The following IRAG1 variants were observed in gnomAD, a reference collection of about 807,000 sequenced individuals.
IRAG1 encodes IP3R-associated cGMP kinase substrate.
Under a neutral mutation model 106.2 loss-of-function variants are expected in IRAG1, and 62 were observed. The ratio of observed to expected loss-of-function variants is 0.58; its 90% CI spans 0.48 to 0.72. The LOEUF (loss-of-function observed/expected upper bound fraction) is 0.72, where lower values mean the gene tolerates loss of function less well. IRAG1 is among the 30% of genes least tolerant of loss of function. The pLI is 0.00. For missense variants in IRAG1, 1,064 were observed against 1,140.7 expected (o/e 0.93, Z 0.97); for synonymous variants, 462 against 443.9 (o/e 1.04, Z -0.51).
intron 1 of IRAG1, among the ~76,000 whole-genome samples, chr11:10,693,221 G>T (rs1367374499): frequency 6.6e-6 from 1 of 152,130 alleles, no homozygotes; most frequent in East Asian, 1.9e-4. Flanking sequence ...CCACAAAGGG[G>T]CCCACAGGAA....
intron 10 of IRAG1, among the ~76,000 whole-genome samples, chr11:10,619,756 G>A (rs371605706): frequency 7.2e-5 from 11 of 152,332 alleles, no homozygotes; most frequent in African/African-American, 1.4e-4. Flanking sequence ...AAACTGAAGC[G>A]TGGAGAGAAT....
intron 2 of IRAG1, among the ~76,000 whole-genome samples, chr11:10,638,058 T>TGTCAGC: frequency 1.3e-5 from 2 of 152,346 alleles, no homozygotes; most frequent in Admixed American, 1.3e-4. Context: ...ATCAGGGATT[T>TGTCAGC]GTCAGTGTTT....
intron 1 of IRAG1, among the ~76,000 whole-genome samples, chr11:10,684,602 T>TATA (rs72177457): frequency 0.036 from 5,040 of 138,744 alleles, 111 homozygotes; most frequent in African/African-American, 0.043. Flanking sequence ...AAACTTAAAG[T>TATA]ATAATAATAA....
At position 10,617,325 on chromosome 11, in the gene IRAG1, C is replaced by A. The variant is rs114026413; in HGVS notation, c.1447+6453G>T. On this transcript the variant is annotated intron_variant, in intron 10 of 20. Coordinates refer to ENST00000423302, the MANE Select transcript of IRAG1 (RefSeq NM_130385.4). Reference sequence around the variant, plus strand: ...AAATAAAAAATAGCTTAAACACCTCCTTCCCCACAAATACAGAAGGAGCAA... The same window carrying A: ...AAATAAAAAATAGCTTAAACACCTCATTCCCCACAAATACAGAAGGAGCAA... 9.9e-3 allele frequency: 2,962 copies of A among 300,100 alleles called. 96 individuals are homozygous for A. Among genetic ancestry groups the A allele is most frequent in the African/African-American group, 0.064 (2,821 of 44,198 alleles). The allele number at this position is 300,100 out of a possible 1,614,324, so 18.6% of individuals were successfully genotyped here. A position where few individuals can be genotyped will look rare whatever the true frequency, so the allele number is the denominator to read the frequency against.
At chr11:10,626,652 G>A (rs181946059) in intron 8 of IRAG1, 69 bp from the exon 9 acceptor site, 1 of 1,490,124 alleles carries the variant, frequency 6.7e-7, no homozygotes. Flanking sequence ...GGCCACTTCT[G>A]CTGTGGAGTC....
rs1850774643 is a variant in IRAG1 at position 10,575,609 on chromosome 11, C to G, written c.*723G>C. 6.6e-6 allele frequency: 1 copy of G among 152,224 alleles called. No homozygotes were observed. The highest frequency in any genetic ancestry group is 1.5e-5 in the Non-Finnish European group (1 of 68,108). The allele number at this position is 152,224 out of a possible 1,614,324, so 9.4% of individuals were successfully genotyped here. A position where few individuals can be genotyped will look rare whatever the true frequency, so the allele number is the denominator to read the frequency against. Reference sequence around the variant, plus strand: ...TCCAGAGGTACACACCCAGAGCACACTTTTGAAGGGTTGTTGGCTCTGTGC... The same window carrying G: ...TCCAGAGGTACACACCCAGAGCACAGTTTTGAAGGGTTGTTGGCTCTGTGC... On this transcript the variant is annotated 3_prime_UTR_variant, in exon 21 of 21. Transcript: ENST00000423302.
At chr11:10,591,649 G>T (rs374355616) in intron 17 of IRAG1, 37 bp from the exon 18 acceptor site, 4 of 1,539,240 alleles carry the variant, frequency 2.6e-6, no homozygotes, top group Non-Finnish European at 3.5e-6. Flanking sequence ...TTGAGGATGC[G>T]CTATGGAAGG....
rs566271126 is a variant in IRAG1 at position 10,634,060 on chromosome 11, G to A, written c.237C>T (p.Ala79=). Residue 79 remains alanine, a synonymous_variant, in exon 3 of 21, where the codon GCC becomes GCT. Coordinates refer to ENST00000423302, the MANE Select transcript of IRAG1 (RefSeq NM_130385.4). The part of the protein sequence containing the change: ...AQSPAGQGPP[A]AGVSCSPTPT... ...GAGTTGGACTGCAAGATACTCCTGC[G>A]GCAGGAGGACCCTGCCGGTTTAGAA... 28 of 1,608,206 alleles carry A rather than the reference G, an allele frequency of 1.7e-5. No homozygotes were observed. In the South Asian group the frequency reaches 1.8e-4, roughly 10 times the overall value.
In IRAG1 at chr11:10,626,545, G is replaced by GTCAT. The variant is rs1185248577; in HGVS notation, c.785_788dup (p.Asp263GlufsTer2). The GTCAT allele has an allele frequency of 5.0e-6, 8 of 1,611,884 alleles. No homozygotes were observed. The highest frequency in any genetic ancestry group is 6.8e-6 in the Non-Finnish European group (8 of 1,178,510). On this transcript the variant is annotated stop_gained and frameshift_variant, in exon 9 of 21. Coordinates refer to ENST00000423302, the MANE Select transcript of IRAG1 (RefSeq NM_130385.4). LOFTEE classifies it high-confidence loss of function. ...GCCTGCCCTGAGACACTTTCCTCTG[G>GTCAT]TCATTCTGCTTCCTGTCAGCTAGCC...
At chr11:10,686,711 G>C (rs1472371961) in intron 1 of IRAG1, among the ~76,000 whole-genome samples, 2 of 152,102 alleles carry the variant, frequency 1.3e-5, no homozygotes, top group Non-Finnish European at 2.9e-5. Flanking sequence ...GATGGGGCTT[G>C]GTGGTCTGAT....
chr11:10,594,333 C>T, intron 15 of IRAG1, 138 bp from the exon 16 acceptor site: 2 of 719,680 alleles, frequency 2.8e-6, no homozygotes, highest in Non-Finnish European at 2.3e-6. Context: ...GTGTTGGGGA[C>T]ACTGAGTTTG....
intron 15 of IRAG1, among the ~76,000 whole-genome samples, chr11:10,594,548 C>T (rs190588991): frequency 2.5e-4 from 38 of 152,194 alleles, no homozygotes; most frequent in Non-Finnish European, 4.4e-4. Flanking sequence ...ATTTCATGCT[C>T]GTTCAAGGAT....
rs1476531150 is a variant in IRAG1 at position 10,583,187 on chromosome 11, C to A, written c.2241-1201G>T. ...TTAGCTGGAGATATTCATTTGGTGT[C>A]ATCAGAACATAAATGTTATTTAAAG... On this transcript the variant is annotated intron_variant, in intron 18 of 20. Transcript: ENST00000423302. Among the ~76,000 whole-genome samples, 6 of 152,242 alleles carry A rather than the reference C, an allele frequency of 3.9e-5. No individual in the cohort carries two copies. The East Asian group carries it at 1.2e-3, about 29-fold the overall frequency.
intron 19 of IRAG1, among the ~76,000 whole-genome samples, chr11:10,581,042 C>T (rs571792358): frequency 2.0e-5 from 3 of 152,250 alleles, no homozygotes; most frequent in South Asian, 2.1e-4. Flanking sequence ...TAAATGTTTA[C>T]GAAACCAATG....
intron 2 of IRAG1, among the ~76,000 whole-genome samples, chr11:10,651,262 T>C (rs574448225): frequency 1.1e-4 from 16 of 152,166 alleles, no homozygotes; most frequent in Non-Finnish European, 2.1e-4. Flanking sequence ...AGGGAATAAT[T>C]TGAATATCGA....
chr11:10,626,133 C>A lies in IRAG1; in HGVS notation c.1201G>T (p.Glu401Ter). 1 of 1,539,056 alleles carries A rather than the reference C, an allele frequency of 6.5e-7. No homozygotes were observed. Among genetic ancestry groups the A allele is most frequent in the Non-Finnish European group, 8.8e-7 (1 of 1,142,396 alleles). The change falls in exon 9 of 21, where the codon GAA (glutamate) becomes TAA (stop). Residue 401 changes from glutamate (E) to a stop codon, truncating the protein, a stop_gained. Coordinates refer to ENST00000423302, the MANE Select transcript of IRAG1 (RefSeq NM_130385.4). LOFTEE classifies it high-confidence loss of function. The stretch of plus-strand genomic sequence containing the variant: ...ACTTTCTGCAGCCGGGGGCCAGGTT[C>A]TTCAGGGCCACTGTCCCAGGAGAGC... ...RGLSWDSGPE[E>*]PGPRLQKVLA...
At chr11:10,592,552 G>T (rs1852797021) in intron 17 of IRAG1, among the ~76,000 whole-genome samples, 1 of 152,172 alleles carries the variant, frequency 6.6e-6, no homozygotes. Context: ...TACACAATCA[G>T]ATTGTTTCCT....
intron 2 of IRAG1, among the ~76,000 whole-genome samples, chr11:10,639,476 G>A (rs747860124): frequency 3.9e-5 from 6 of 152,124 alleles, no homozygotes; most frequent in Admixed American, 6.5e-5. Flanking sequence ...GAGAAGGCTC[G>A]CCTTACGGAA....
At chr11:10,656,547 C>G (rs542798663) in intron 1 of IRAG1, among the ~76,000 whole-genome samples, 1 of 152,340 alleles carries the variant, frequency 6.6e-6, no homozygotes, top group Non-Finnish European at 1.5e-5. Flanking sequence ...TGAAAGAAAA[C>G]AAACTAATAT....
Sources: gnomAD v4.1 joint callset for allele counts (sites outside exome capture counted in the v4.1 genomes callset) on GRCh38, gnomAD v4.1.1 for gene constraint, MANE v1.5 for transcripts, NCBI Gene and HGNC (gene_info 2026-07-23, HGNC 2026-07-21) for gene names.